The following DLG5 variants were observed in gnomAD, a reference collection of about 807,000 sequenced individuals.
The protein encoded by DLG5 is disks large homolog 5.
Under a neutral mutation model 189.8 loss-of-function variants are expected in DLG5, and 48 were observed. That is an observed-to-expected ratio of 0.25 (90% confidence interval 0.20 to 0.32). The LOEUF (loss-of-function observed/expected upper bound fraction) is 0.32. DLG5 is among the 10% of genes least tolerant of loss of function. The pLI, the probability that DLG5 is intolerant of heterozygous loss-of-function variation, is 1.00. For missense variants in DLG5, 2,160 were observed against 2,544.7 expected, an observed-to-expected ratio of 0.85 and a Z score of 3.25; for synonymous variants, 1,016 against 1,054.1, an observed-to-expected ratio of 0.96 and a Z score of 0.70.
chr10:77,907,649 C>G (rs1846105270), intron 1 of DLG5, among the ~76,000 whole-genome samples: 1 of 137,674 alleles, frequency 7.3e-6, no homozygotes, highest in Admixed American at 6.8e-5. Context: ...GCTGTCAACA[C>G]TTACTAACTT....
At chr10:77,847,082 T>G (rs1164441891) in intron 5 of DLG5, among the ~76,000 whole-genome samples, 1 of 152,080 alleles carries the variant, frequency 6.6e-6, no homozygotes, top group Admixed American at 6.5e-5. Context: ...CAGGGATGAT[T>G]CAGGGCCGTG....
Position 77,841,926 on chromosome 10 carries a change from T to C in DLG5, c.1392A>G (p.Thr464=), listed in dbSNP as rs757085727. ...ELAESKLKSS[T]SEKKAANEEM... is the part of the protein sequence containing the mutation. Reference sequence around the variant, plus strand: ...CCTCATTGGCCGCCTTCTTCTCAGATGTGCTGCTCTTGAGCTTGGACTCGG... The same window carrying C: ...CCTCATTGGCCGCCTTCTTCTCAGACGTGCTGCTCTTGAGCTTGGACTCGG... Residue 464 remains threonine, a synonymous_variant, in exon 7 of 32, where the codon ACA becomes ACG. Transcript: ENST00000372391. 6 of 1,613,498 alleles carry C rather than the reference T, an allele frequency of 3.7e-6. No individual in the cohort carries two copies. The East Asian group carries it at 1.1e-4, about 30-fold the overall frequency.
chr10:77,892,071 G>A (rs1845626647), intron 1 of DLG5, among the ~76,000 whole-genome samples: 1 of 152,212 alleles, frequency 6.6e-6, no homozygotes, highest in African/African-American at 2.4e-5. Flanking sequence ...CGGGAGGACG[G>A]ACACACCCAC....
At chr10:77,806,737 C>CCCCCCCCCCCCCCAA in intron 26 of DLG5, 21 bp downstream of exon 26, 3 of 1,592,008 alleles carry the variant, frequency 1.9e-6, no homozygotes, top group Admixed American at 1.7e-5. Flanking sequence ...CCACCCCACC[C>CCCCCCCCCCCCCCAA]CAGGCCCGGA....
intron 25 of DLG5, 21 bp downstream of exon 25, chr10:77,807,775 C>A (rs377334576): frequency 3.1e-6 from 5 of 1,607,692 alleles, no homozygotes; most frequent in African/African-American, 1.3e-5. Context: ...AATCTCCCAC[C>A]GATTCCCCAG....
chr10:77,821,837 C>G lies in DLG5; in HGVS notation c.2647G>C (p.Ala883Pro). The G allele has an allele frequency of 6.2e-7, 1 of 1,613,802 alleles. No homozygotes were observed. Among genetic ancestry groups the G allele is most frequent in the Non-Finnish European group, 8.5e-7 (1 of 1,179,866 alleles). ...CTACGCTCAGAGGCACTGGGACAGGCCTGGGGGCAGACCTGCAAGGGTCCC... is the reference window on the plus strand; with the variant it reads ...CTACGCTCAGAGGCACTGGGACAGGGCTGGGGGCAGACCTGCAAGGGTCCC... ...PGGPLQVCPQ[A>P]CPSASERSLS... Residue 883 changes from alanine to proline, a missense_variant, in exon 15 of 32, where the codon GCC becomes CCC. Coordinates refer to ENST00000372391, the MANE Select transcript of DLG5 (RefSeq NM_004747.4).
In DLG5 at chr10:77,796,397, G is replaced by C. The variant is rs1326046240; in HGVS notation, c.5308+54C>G. 6.2e-7 allele frequency: 1 copy of C among 1,613,406 alleles called. No individual in the cohort carries two copies. The highest frequency in any genetic ancestry group is 2.2e-5 in the East Asian group (1 of 44,874). ...GCACAGCTGGGCAGGCAGGTGGACA[G>C]GGACATAGAGACAAAGAGCCCAGTA... On this transcript the variant is annotated intron_variant, in intron 28 of 31. Transcript: ENST00000372391. The surrounding 1 kb of genome is among the most constrained non-coding windows in gnomAD (Gnocchi z 5.2).
rs1564571312 is a variant in DLG5 at position 77,879,509 on chromosome 10, G to A, written c.305-10312C>T. Reference sequence around the variant, plus strand: ...ATTTGTTGAATGTTGTCCACAAGCAGGGAAGCATAGAAACAAGTCAGACAG... The same window carrying A: ...ATTTGTTGAATGTTGTCCACAAGCAAGGAAGCATAGAAACAAGTCAGACAG... On this transcript the variant is annotated intron_variant, in intron 1 of 31. Coordinates refer to ENST00000372391, the MANE Select transcript of DLG5 (RefSeq NM_004747.4). Among the ~76,000 whole-genome samples, 3 of 151,902 alleles carry A rather than the reference G, an allele frequency of 2.0e-5. 1 individual carries two copies. In the South Asian group the frequency reaches 6.2e-4, roughly 32 times the overall value.
intron 7 of DLG5, among the ~76,000 whole-genome samples, chr10:77,837,446 T>C (rs1323753056): frequency 1.3e-5 from 2 of 151,856 alleles, no homozygotes; most frequent in Non-Finnish European, 2.9e-5. Flanking sequence ...GCGCAGGAGG[T>C]GGGCAGCTCC....
intron 1 of DLG5, among the ~76,000 whole-genome samples, chr10:77,874,176 G>T (rs1466754843): frequency 6.6e-6 from 1 of 152,256 alleles, no homozygotes; most frequent in African/African-American, 2.4e-5. Context: ...CTCATCTGCT[G>T]TGAGTAGCCT....
intron 4 of DLG5, 63 bp from the exon 5 acceptor site, chr10:77,853,600 G>C: frequency 7.0e-7 from 1 of 1,424,982 alleles, no homozygotes. Context: ...CCCCACCCCA[G>C]GGCATCACCA....
At chr10:77,836,652 G>A (rs1468463714) in intron 7 of DLG5, among the ~76,000 whole-genome samples, 6 of 152,142 alleles carry the variant, frequency 3.9e-5, no homozygotes, top group Admixed American at 3.9e-4. Flanking sequence ...AGAGAATGAA[G>A]TTGACAAGAA....
chr10:77,824,497 T>C, intron 13 of DLG5, 21 bp from the exon 14 acceptor site: 1 of 1,603,508 alleles, frequency 6.2e-7, no homozygotes, highest in South Asian at 1.1e-5. Context: ...ACAGAGAGCA[T>C]GTCAGGCCAC....
At chr10:77,839,592 A>G (rs77875669) in intron 7 of DLG5, among the ~76,000 whole-genome samples, 1,999 of 152,272 alleles carry the variant, frequency 0.013, 38 homozygotes, top group African/African-American at 0.046. Context: ...ATTCTGTGAC[A>G]TTTCAGAGCA....
rs1841750864 is a variant in DLG5 at position 77,811,166 on chromosome 10, G to A, written c.4391C>T (p.Pro1464Leu). 1 of 1,613,256 alleles carries A rather than the reference G, an allele frequency of 6.2e-7. No homozygotes were observed. Among genetic ancestry groups the A allele is most frequent in the African/African-American group, 1.3e-5 (1 of 74,854 alleles). ...QGSGTTTPEH[P>L]SVIDPLMEQD... ...CTCCATCAGTGGGTCGATGACAGAT[G>A]GATGCTCCGGGGTGGTGGTGCCACT... Residue 1464 changes from proline to leucine, a missense_variant, in exon 23 of 32, where the codon CCA becomes CTA. Around this residue, in one of 5 missense-constraint regions of DLG5, gnomAD observed 574 missense variants for 644.2 expected, o/e 0.89. Coordinates refer to ENST00000372391, the MANE Select transcript of DLG5 (RefSeq NM_004747.4).
intron 13 of DLG5, among the ~76,000 whole-genome samples, chr10:77,826,926 C>G (rs949124707): frequency 6.6e-6 from 1 of 152,084 alleles, no homozygotes; most frequent in African/African-American, 2.4e-5. Flanking sequence ...CCAGCCTGGG[C>G]AACAGAGTGA....
intron 2 of DLG5, among the ~76,000 whole-genome samples, chr10:77,860,443 A>G (rs898560140): frequency 6.6e-6 from 1 of 152,148 alleles, no homozygotes; most frequent in Admixed American, 6.5e-5. Flanking sequence ...GATTACAGGC[A>G]TGCGCCACCA....
chr10:77,823,381 C>T (rs562720312), intron 14 of DLG5, among the ~76,000 whole-genome samples: 1 of 152,294 alleles, frequency 6.6e-6, no homozygotes, highest in African/African-American at 2.4e-5. Context: ...TATTATTAAA[C>T]TTTTCAAATA....
the DLG5 span, among the ~76,000 whole-genome samples, chr10:77,934,065 A>AAATAAC: frequency 6.7e-6 from 1 of 148,626 alleles, no homozygotes; most frequent in African/African-American, 2.5e-5. Context: ...ATAAAAATAA[A>AAATAAC]AATAAAATAA....
Sources: allele counts gnomAD v4.1 joint callset (sites outside exome capture counted in the v4.1 genomes callset), GRCh38; gene constraint gnomAD v4.1.1; regional missense constraint gnomAD v4.1.1; non-coding constraint Gnocchi (gnomAD v3.1); transcripts MANE v1.5; gene names NCBI Gene and HGNC (gene_info 2026-07-23, HGNC 2026-07-21).